The following MCU variants were observed in gnomAD, a reference collection of about 807,000 sequenced individuals.
The protein encoded by MCU is mitochondrial calcium uniporter.
Under a neutral mutation model 45.2 loss-of-function variants are expected in MCU, and 12 were observed. The observed-to-expected ratio is 0.27, with a 90% CI of 0.17 to 0.43. The LOEUF is 0.43. Among genes scored for constraint, MCU ranks in the 20% least tolerant of loss-of-function variants. The pLI is 1.00. For synonymous variants in MCU, 160 were observed against 165.1 expected, an observed-to-expected ratio of 0.97 and a Z score of 0.24; for missense variants, 324 against 436.7, an observed-to-expected ratio of 0.74 and a Z score of 2.30.
chr10:72,692,598 C>G (rs1281480788), intron 1 of MCU: 2 of 1,099,868 alleles, frequency 1.8e-6, no homozygotes, highest in Non-Finnish European at 2.2e-6. Flanking sequence ...CCGACTCGCC[C>G]CCAATCGCGT....
rs376297654 is a variant in MCU, at chr10:72,859,351, T to A, written c.391+4T>A. ...AGAGTTGCTATCTATTCACCAGGTA[T>A]AGTCACCATCATTATTAATTACCAT... On this transcript the variant is annotated splice_donor_region_variant and intron_variant, in intron 3 of 7. Transcript: ENST00000373053. 3.2e-5 allele frequency: 52 copies of A among 1,604,222 alleles called. No homozygotes were observed. The African/African-American group carries it at 6.3e-4, about 19-fold the overall frequency.
At position 72,762,859 on chromosome 10, in the gene MCU, A is replaced by T. The variant is rs147390387; in HGVS notation, c.150+70558A>T. 1.4e-3 allele frequency among the ~76,000 whole-genome samples: 218 copies of T among 152,050 alleles called. 2 individuals carry two copies. Among genetic ancestry groups the T allele is most frequent in the African/African-American group, 4.8e-3 (199 of 41,482 alleles). On this transcript the variant is annotated intron_variant, in intron 1 of 7. Coordinates refer to ENST00000373053, the MANE Select transcript of MCU (RefSeq NM_138357.3). ...AGTAATAAATTAAAATAACAAATTT[A>T]TTATCTTGCATTTCTGTAGGTCAGA... is the stretch of plus-strand genomic sequence containing the variant.
chr10:72,872,178 G>A (rs752650024), intron 6 of MCU, among the ~76,000 whole-genome samples: 1 of 151,896 alleles, frequency 6.6e-6, no homozygotes, highest in African/African-American at 2.4e-5. Flanking sequence ...GAGGGTGTCT[G>A]TGCATGTATA....
At chr10:72,760,334 AGC>A in intron 1 of MCU, among the ~76,000 whole-genome samples, 1 of 147,590 alleles carries the variant, frequency 6.8e-6, no homozygotes, top group Non-Finnish European at 1.5e-5. Context: ...TACAGGTGTG[AGC>A]CACCTCACCC....
chr10:72,775,174 A>C (rs900950866), intron 1 of MCU, among the ~76,000 whole-genome samples: 1 of 152,200 alleles, frequency 6.6e-6, no homozygotes, highest in East Asian at 1.9e-4. Flanking sequence ...AATTTTTAAA[A>C]AACAGAAATA....
intron 1 of MCU, among the ~76,000 whole-genome samples, chr10:72,758,811 A>G (rs1455920819): frequency 1.3e-5 from 2 of 152,230 alleles, no homozygotes; most frequent in African/African-American, 4.8e-5. Context: ...AGGCTTTTAA[A>G]AAATCTCTCT....
At chr10:72,803,639 T>C (rs890198632) in intron 1 of MCU, among the ~76,000 whole-genome samples, 1 of 151,990 alleles carries the variant, frequency 6.6e-6, no homozygotes, top group Non-Finnish European at 1.5e-5. Context: ...GTTGGAGTAA[T>C]GGTTTAATGA....
At chr10:72,870,719 CTG>C (rs1363070909) in intron 5 of MCU, among the ~76,000 whole-genome samples, 1 of 152,112 alleles carries the variant, frequency 6.6e-6, no homozygotes, top group African/African-American at 2.4e-5. Flanking sequence ...GGAGTTAAAA[CTG>C]AGAATAGATT....
At chr10:72,804,320 C>T (rs940996067) in intron 1 of MCU, among the ~76,000 whole-genome samples, 1 of 151,490 alleles carries the variant, frequency 6.6e-6, no homozygotes, top group African/African-American at 2.4e-5. Context: ...AACTCCCAAC[C>T]TCAGGTGATC....
intron 2 of MCU, among the ~76,000 whole-genome samples, chr10:72,835,282 G>A (rs1216140008): frequency 6.6e-6 from 1 of 152,186 alleles, no homozygotes; most frequent in East Asian, 1.9e-4. Context: ...TTATGGTAGT[G>A]GAGGGAGATG....
At chr10:72,765,805 A>G (rs563650691) in intron 1 of MCU, among the ~76,000 whole-genome samples, 3,176 of 150,406 alleles carry the variant, frequency 0.021, 49 homozygotes, top group Non-Finnish European at 0.036. Context: ...AAAAAAAAAA[A>G]AAAGAAAGAA....
intron 1 of MCU, among the ~76,000 whole-genome samples, chr10:72,820,530 G>A (rs945288307): frequency 2.7e-5 from 4 of 146,042 alleles, no homozygotes; most frequent in South Asian, 2.2e-4. Context: ...TTTTTTTTCC[G>A]AAACGGAGTC....
intron 1 of MCU, among the ~76,000 whole-genome samples, chr10:72,791,418 AT>A (rs1479035927): frequency 6.6e-6 from 1 of 152,152 alleles, no homozygotes; most frequent in Non-Finnish European, 1.5e-5. Flanking sequence ...CTCCCTATCT[AT>A]ACCGTAGTCC....
At chr10:72,715,984 G>T in intron 1 of MCU, 1 of 684,782 alleles carries the variant, frequency 1.5e-6, no homozygotes, top group Non-Finnish European at 1.8e-6. Flanking sequence ...GTGGTTTTAT[G>T]AAATCTATGT....
intron 4 of MCU, 57 bp from the exon 5 acceptor site, chr10:72,868,646 C>G: frequency 1.3e-6 from 2 of 1,522,270 alleles, no homozygotes; most frequent in East Asian, 4.5e-5. Flanking sequence ...CTGATAGTCC[C>G]AGGAATAGCA....
chr10:72,874,188 G>A (rs1382258340), intron 6 of MCU, among the ~76,000 whole-genome samples: 1 of 152,154 alleles, frequency 6.6e-6, no homozygotes, highest in East Asian at 1.9e-4. Context: ...ATGGTTCAGG[G>A]TAGTGTTGAT....
rs1816022065 is a variant in MCU, at chr10:72,838,157, G to A, written c.220+3729G>A. Reference sequence around the variant, plus strand: ...ATTACAGGTGTGAGCCACCGCGCCCGGCTGCCAAATACTTTTTAATAGTGT... The same window carrying A: ...ATTACAGGTGTGAGCCACCGCGCCCAGCTGCCAAATACTTTTTAATAGTGT... On this transcript the variant is annotated intron_variant, in intron 2 of 7. Coordinates refer to ENST00000373053, the MANE Select transcript of MCU (RefSeq NM_138357.3). Among the ~76,000 whole-genome samples the A allele has an allele frequency of 1.3e-5, 2 of 152,106 alleles. 1 individual carries two copies. The highest frequency in any genetic ancestry group is 6.8e-3 in the Middle Eastern group (2 of 294).
chr10:72,718,680 G>A (rs1314494040), intron 1 of MCU, among the ~76,000 whole-genome samples: 1 of 152,116 alleles, frequency 6.6e-6, no homozygotes, highest in Non-Finnish European at 1.5e-5. Context: ...TTCACCAAAA[G>A]ACCTGGACAA....
At chr10:72,843,531 A>C (rs1471498199) in intron 2 of MCU, among the ~76,000 whole-genome samples, 1 of 152,110 alleles carries the variant, frequency 6.6e-6, no homozygotes, top group East Asian at 1.9e-4. Flanking sequence ...ATCTGGGTGT[A>C]CCACAATTTG....
Sources: gnomAD v4.1 joint callset for allele counts (sites outside exome capture counted in the v4.1 genomes callset) on GRCh38, gnomAD v4.1.1 for gene constraint, MANE v1.5 for transcripts, NCBI Gene and HGNC (gene_info 2026-07-23, HGNC 2026-07-21) for gene names.